DNAJC1: variants seen among roughly 807,000 people sequenced by gnomAD.
The protein encoded by DNAJC1 is DnaJ heat shock protein family (Hsp40) member C1.
A neutral mutation model predicts 76.6 loss-of-function variants in DNAJC1; 58 were observed. That is an observed-to-expected ratio of 0.76 (90% CI 0.61 to 0.94). The LOEUF is 0.94. Ranked by LOEUF, DNAJC1 falls within the 40% of genes least tolerant of loss-of-function variation. DNAJC1 has a pLI of 0.00. For synonymous variants in DNAJC1, 258 were observed against 267.9 expected (o/e 0.96, Z 0.36); for missense variants, 689 against 677.3 (o/e 1.02, Z -0.19).
intron 8 of DNAJC1, among the ~76,000 whole-genome samples, chr10:21,851,921 C>T (rs1296435923): frequency 2.0e-5 from 3 of 151,764 alleles, no homozygotes; most frequent in Non-Finnish European, 4.4e-5. Flanking sequence ...GGCCTGGTGG[C>T]GGGCGCCTGT....
chr10:21,820,333 C>T (rs1308195729), intron 8 of DNAJC1, among the ~76,000 whole-genome samples: 1 of 152,116 alleles, frequency 6.6e-6, no homozygotes, highest in Non-Finnish European at 1.5e-5. Context: ...ATCTGATGGA[C>T]ATTTGGGTTG....
intron 1 of DNAJC1, among the ~76,000 whole-genome samples, chr10:21,967,992 C>T (rs1040257250): frequency 6.6e-6 from 1 of 152,212 alleles, no homozygotes; most frequent in Non-Finnish European, 1.5e-5. Context: ...AATAATAGAT[C>T]AGTCACTTAG....
At position 21,912,349 on chromosome 10, in the gene DNAJC1, C is replaced by T. The variant is rs183312432; in HGVS notation, c.729+6430G>A. ...AGACTATATGTTGCTAACATCCTAC[C>T]TAACATTTTGTGGCTTTTTATCTTT... On this transcript the variant is annotated intron_variant, in intron 6 of 11. Coordinates refer to ENST00000376980, the MANE Select transcript of DNAJC1 (RefSeq NM_022365.4). 2.1e-3 allele frequency among the ~76,000 whole-genome samples: 314 copies of T among 152,146 alleles called. 1 individual carries two copies. Among genetic ancestry groups the T allele is most frequent in the Non-Finnish European group, 3.6e-3 (247 of 68,006 alleles).
intron 9 of DNAJC1, among the ~76,000 whole-genome samples, chr10:21,795,478 A>C (rs1444588898): frequency 6.6e-6 from 1 of 152,074 alleles, no homozygotes; most frequent in Non-Finnish European, 1.5e-5. Flanking sequence ...GAGAAGACTA[A>C]ATACTGTTAA....
chr10:21,839,786 G>A (rs1178189217), intron 8 of DNAJC1, among the ~76,000 whole-genome samples: 2 of 152,170 alleles, frequency 1.3e-5, no homozygotes, highest in African/African-American at 4.8e-5. Flanking sequence ...AAGCCTGGCA[G>A]AGACACAACA....
chr10:21,871,291 G>T (rs568804822), intron 8 of DNAJC1, among the ~76,000 whole-genome samples: 28 of 151,400 alleles, frequency 1.8e-4, no homozygotes, highest in Non-Finnish European at 3.4e-4. Flanking sequence ...GTTCTGAGAA[G>T]GCGCTAAGCT....
chr10:21,767,853 G>GGCACGGTGGCAC, intron 9 of DNAJC1, among the ~76,000 whole-genome samples: 1 of 152,242 alleles, frequency 6.6e-6, no homozygotes. Context: ...AAATTATCCA[G>GGCACGGTGGCAC]GCACGGTGGC....
At position 21,927,759 on chromosome 10, in the gene DNAJC1, T is replaced by C. The variant is rs572583737; in HGVS notation, c.371+747A>G. On this transcript the variant is annotated intron_variant, in intron 3 of 11. Coordinates refer to ENST00000376980, the MANE Select transcript of DNAJC1 (RefSeq NM_022365.4). ...TGACTTAAAAAACTTAGAAGGCTGCTGAAATGATGTCTACATTCCATACAT... is the reference window on the plus strand; with the variant it reads ...TGACTTAAAAAACTTAGAAGGCTGCCGAAATGATGTCTACATTCCATACAT... Among the ~76,000 whole-genome samples, 3 of 152,292 alleles carry C rather than the reference T, an allele frequency of 2.0e-5. No homozygotes were observed. The East Asian group carries it at 5.8e-4, about 29-fold the overall frequency.
intron 7 of DNAJC1, among the ~76,000 whole-genome samples, chr10:21,901,585 T>C (rs1836655337): frequency 6.6e-6 from 1 of 152,166 alleles, no homozygotes. Context: ...CAGAAGGATA[T>C]TTATTTTTAA....
chr10:21,794,285 AGAG>A (rs796737744), intron 9 of DNAJC1, among the ~76,000 whole-genome samples: 33 of 146,604 alleles, frequency 2.3e-4, no homozygotes, highest in Non-Finnish European at 3.6e-4. Context: ...AAAAAAAAAA[AGAG>A]AGAGAGAGAG....
chr10:21,915,565 G>A (rs1305684077), intron 6 of DNAJC1, among the ~76,000 whole-genome samples: 2 of 152,014 alleles, frequency 1.3e-5, no homozygotes, highest in African/African-American at 4.8e-5. Flanking sequence ...AAAATTCAAG[G>A]AATTTACGCC....
At chr10:21,844,758 T>G (rs1835628264) in intron 8 of DNAJC1, among the ~76,000 whole-genome samples, 1 of 152,184 alleles carries the variant, frequency 6.6e-6, no homozygotes, top group South Asian at 2.1e-4. Context: ...TTTTTGGCTG[T>G]GCACAGTGAC....
At chr10:21,968,574 G>T (rs1024444959) in intron 1 of DNAJC1, among the ~76,000 whole-genome samples, 6 of 150,938 alleles carry the variant, frequency 4.0e-5, no homozygotes, top group Non-Finnish European at 8.8e-5. Flanking sequence ...GTGGCACGAC[G>T]ATCTCGGCTC....
At chr10:21,936,594 CT>C (rs1462345165) in intron 1 of DNAJC1, among the ~76,000 whole-genome samples, 3 of 152,130 alleles carry the variant, frequency 2.0e-5, no homozygotes, top group Non-Finnish European at 4.4e-5. Context: ...GGGAACAGTG[CT>C]TGCTATAGGA....
At chr10:21,813,096 C>CATATAT (rs373917334) in intron 8 of DNAJC1, among the ~76,000 whole-genome samples, 7,329 of 117,112 alleles carry the variant, frequency 0.063, 375 homozygotes, top group Admixed American at 0.11. Context: ...TACACACACA[C>CATATAT]ATATATATAT....
chr10:21,914,322 T>A (rs888739174), intron 6 of DNAJC1, among the ~76,000 whole-genome samples: 3 of 152,176 alleles, frequency 2.0e-5, no homozygotes, highest in Non-Finnish European at 4.4e-5. Context: ...AGGAACAAAA[T>A]CCAGTGCTCT....
chr10:21,918,926 A>T, intron 5 of DNAJC1, 54 bp from the exon 6 acceptor site: 1 of 1,290,974 alleles, frequency 7.7e-7, no homozygotes, highest in Non-Finnish European at 1.1e-6. Context: ...ATATACAGAG[A>T]AAGTTGGGAG....
Position 21,762,890 on chromosome 10 carries a change from T to C in DNAJC1, c.1148-3272A>G, listed in dbSNP as rs1401547326. 2.6e-5 allele frequency among the ~76,000 whole-genome samples: 4 copies of C among 152,230 alleles called. No individual in the cohort carries two copies. The East Asian group carries it at 5.8e-4, about 22-fold the overall frequency. On this transcript the variant is annotated intron_variant, in intron 10 of 11. Transcript: ENST00000376980. ...TTTATAGGTCACATTGTTTTGGCCA[T>C]AGAATAACACATAACAAAGAAAATA...
chr10:21,830,548 G>A (rs1835339537), intron 8 of DNAJC1, among the ~76,000 whole-genome samples: 1 of 151,840 alleles, frequency 6.6e-6, no homozygotes, highest in South Asian at 2.1e-4. Context: ...GTTTCTCCTT[G>A]ATTTGTTTAG....
Sources: allele counts gnomAD v4.1 joint callset (sites outside exome capture counted in the v4.1 genomes callset), GRCh38; gene constraint gnomAD v4.1.1; transcripts MANE v1.5; gene names NCBI Gene and HGNC (gene_info 2026-07-23, HGNC 2026-07-21).